Variants in FAT3 observed in about 807,000 individuals in gnomAD.
FAT3 encodes the protein FAT atypical cadherin 3, also known as protocadherin Fat 3.
FAT3 carries 95 observed loss-of-function variants against 310.2 expected under a neutral mutation model. The observed-to-expected ratio is 0.31, with a 90% CI of 0.26 to 0.36. The LOEUF (loss-of-function observed/expected upper bound fraction) is 0.36, where lower values mean the gene tolerates loss of function less well. Ranked by LOEUF, FAT3 falls within the 10% of genes least tolerant of loss-of-function variation. The pLI, the probability that FAT3 is intolerant of heterozygous loss-of-function variation, is 1.00. For synonymous variants in FAT3, 2,314 were observed against 2,192.9 expected, an observed-to-expected ratio of 1.06 and a Z score of -1.54; for missense variants, 5,408 against 5,715.6, an observed-to-expected ratio of 0.95 and a Z score of 1.74.
Position 92,800,926 on chromosome 11 carries a change from C to A in FAT3, c.7913C>A (p.Ser2638Tyr). The A allele has an allele frequency of 6.2e-7, 1 of 1,612,578 alleles. No homozygotes were observed. The highest frequency in any genetic ancestry group is 2.2e-5 in the East Asian group (1 of 44,782). Residue 2638 changes from serine (S) to tyrosine (Y), a missense_variant, in exon 10 of 28, where the codon TCC becomes TAC. Coordinates refer to ENST00000525166, the MANE Select transcript of FAT3 (RefSeq NM_001367949.2). The part of the protein sequence containing the change: ...DDGANSRITY[S>Y]LYSEASVSVA... Reference sequence around the variant, plus strand: ...GGAGCAAATTCAAGGATTACTTATTCCCTCTATAGCGAGGCCTCTGTTTCA... The same window carrying A: ...GGAGCAAATTCAAGGATTACTTATTACCTCTATAGCGAGGCCTCTGTTTCA...
At chr11:92,365,889 A>G (rs1187616122) in intron 2 of FAT3, among the ~76,000 whole-genome samples, 1 of 152,180 alleles carries the variant, frequency 6.6e-6, no homozygotes, top group African/African-American at 2.4e-5. Flanking sequence ...GCCATGAGAA[A>G]CCCCAGAAAG....
chr11:92,691,887 A>T (rs549133520), intron 3 of FAT3, among the ~76,000 whole-genome samples: 1 of 152,182 alleles, frequency 6.6e-6, no homozygotes, highest in Non-Finnish European at 1.5e-5. Flanking sequence ...ATATTCTTAG[A>T]CTATATGATA....
rs1232224093 is a variant in FAT3 at position 92,798,731 on chromosome 11, T to C, written c.5718T>C (p.Ser1906=). The C allele has an allele frequency of 2.5e-6, 4 of 1,613,736 alleles. No individual in the cohort carries two copies. Among genetic ancestry groups the C allele is most frequent in the Non-Finnish European group, 3.4e-6 (4 of 1,179,846 alleles). The part of the protein sequence containing the change: ...TYVGVEVLKV[S]ATDPDSEVPP... The stretch of plus-strand genomic sequence containing the variant: ...TTGGAGTGGAGGTTCTGAAAGTTAG[T>C]GCCACAGATCCTGACTCTGAGGTAC... Residue 1906 remains serine, a synonymous_variant, in exon 10 of 28, where the codon AGT becomes AGC. Coordinates refer to ENST00000525166, the MANE Select transcript of FAT3 (RefSeq NM_001367949.2).
intron 3 of FAT3, among the ~76,000 whole-genome samples, chr11:92,692,886 A>G (rs983401714): frequency 1.3e-5 from 2 of 152,366 alleles, no homozygotes; most frequent in East Asian, 3.9e-4. Context: ...TAGCACTTAA[A>G]GAAAATGTGA....
At chr11:92,493,714 A>T (rs1952671647) in intron 2 of FAT3, among the ~76,000 whole-genome samples, 1 of 152,052 alleles carries the variant, frequency 6.6e-6, no homozygotes, top group Non-Finnish European at 1.5e-5. Context: ...ATCCTTTAGG[A>T]TGTGGCCTAG....
At chr11:92,820,939 G>T (rs947518311) in intron 13 of FAT3, among the ~76,000 whole-genome samples, 1 of 152,108 alleles carries the variant, frequency 6.6e-6, no homozygotes, top group African/African-American at 2.4e-5. Context: ...AGGAACAAGG[G>T]CTCTTGTGCA....
intron 13 of FAT3, among the ~76,000 whole-genome samples, chr11:92,830,088 C>G (rs889428274): frequency 6.6e-6 from 1 of 152,174 alleles, no homozygotes; most frequent in African/African-American, 2.4e-5. Flanking sequence ...GTTGTCATAA[C>G]TAAAGACCTC....
intron 13 of FAT3, among the ~76,000 whole-genome samples, chr11:92,824,540 C>T (rs925552406): frequency 3.3e-5 from 5 of 152,004 alleles, no homozygotes; most frequent in Non-Finnish European, 7.4e-5. Context: ...TCTGCATTTT[C>T]GAGTGGTATG....
In FAT3 at chr11:92,836,776, C is replaced by A. The variant is rs952134816; in HGVS notation, c.10224+73C>A. 1.2e-5 allele frequency: 18 copies of A among 1,540,084 alleles called. 1 individual carries two copies. The African/African-American group carries it at 1.4e-4, about 12-fold the overall frequency. ...CCTAGAATCAGGGGCACAAGCTCCA[C>A]GGGTGTAAATAGGAAAGTTCTCCAT... On this transcript the variant is annotated intron_variant, in intron 16 of 27. Coordinates refer to ENST00000525166, the MANE Select transcript of FAT3 (RefSeq NM_001367949.2).
chr11:92,286,558 A>G (rs559535321), intron 1 of FAT3, among the ~76,000 whole-genome samples: 1 of 152,314 alleles, frequency 6.6e-6, no homozygotes, highest in South Asian at 2.1e-4. Context: ...CTGAAGGACC[A>G]TGCTTGAGTT....
chr11:92,744,570 G>A (rs1945600283), intron 4 of FAT3, among the ~76,000 whole-genome samples: 2 of 152,144 alleles, frequency 1.3e-5, no homozygotes, highest in Non-Finnish European at 2.9e-5. Context: ...AGGAACATGA[G>A]TAGTGAGAAG....
chr11:92,438,511 C>T (rs1565317163), intron 2 of FAT3, among the ~76,000 whole-genome samples: 3 of 152,188 alleles, frequency 2.0e-5, no homozygotes, highest in African/African-American at 7.2e-5. Flanking sequence ...TACGTACACT[C>T]ACATTATTGT....
chr11:92,700,718 A>G (rs964738137), intron 4 of FAT3, among the ~76,000 whole-genome samples: 1 of 152,032 alleles, frequency 6.6e-6, no homozygotes, highest in Non-Finnish European at 1.5e-5. Flanking sequence ...CGCCACACAC[A>G]CCATTTCATT....
intron 1 of FAT3, among the ~76,000 whole-genome samples, chr11:92,293,546 AT>A (rs1946764864): frequency 2.2e-4 from 4 of 17,874 alleles, no homozygotes; most frequent in Non-Finnish European, 5.2e-4. Flanking sequence ...ATATATATAT[AT>A]ATATAAATAA....
rs1289123843 is a variant in FAT3 at position 92,412,726 on chromosome 11, TATATATATATATATATATAA to T, written c.3292+57328_3292+57347del. Among the ~76,000 whole-genome samples, 44 of 40,814 alleles carry T rather than the reference TATATATATATATATATATAA, an allele frequency of 1.1e-3. 7 individuals are homozygous for T. The highest frequency in any genetic ancestry group is 2.1e-3 in the African/African-American group (29 of 13,920). The allele number at this position is 40,814 out of a possible 152,430, so 26.8% of individuals were successfully genotyped here. On this transcript the variant is annotated intron_variant, in intron 2 of 27. Transcript: ENST00000525166. ...TGATATATATATATATATATATATA[TATATATATATATATATATAA>T]ATATACATACATATATATATATTTA... is the stretch of plus-strand genomic sequence containing the variant.
At chr11:92,598,201 AATATATATGTATACATATAT>A (rs1939813076) in intron 3 of FAT3, among the ~76,000 whole-genome samples, 1 of 137,454 alleles carries the variant, frequency 7.3e-6, no homozygotes, top group Non-Finnish European at 1.5e-5. Flanking sequence ...CATGTATATA[AATATATATGTATACATATAT>A]ATATATATAT....
intron 1 of FAT3, among the ~76,000 whole-genome samples, chr11:92,339,197 G>A (rs961301737): frequency 2.0e-5 from 3 of 152,142 alleles, no homozygotes; most frequent in Admixed American, 1.3e-4. Context: ...GGGCTGTCCT[G>A]GGTAGGACAT....
rs926662623 is a variant in FAT3, at chr11:92,692,032, G to C, written c.3608-5352G>C. The stretch of plus-strand genomic sequence containing the variant: ...CCTATTTTTCTCCCTAAATTAGGTA[G>C]AAATCAGGATGGGAGAGAACAATGG... On this transcript the variant is annotated intron_variant, in intron 3 of 27. Coordinates refer to ENST00000525166, the MANE Select transcript of FAT3 (RefSeq NM_001367949.2). Among the ~76,000 whole-genome samples, 4 of 152,032 alleles carry C rather than the reference G, an allele frequency of 2.6e-5. No homozygotes were observed. In the East Asian group the frequency reaches 7.7e-4, roughly 29 times the overall value.
At position 92,248,144 on chromosome 11, in the gene FAT3, C is replaced by T. The variant is rs554086497; in HGVS notation, c.-18+22970C>T. On this transcript the variant is annotated intron_variant, in intron 1 of 27. Transcript: ENST00000525166. The stretch of plus-strand genomic sequence containing the variant: ...CTATTGCCCTCATCTTTCCTTTTTC[C>T]CTCAGTCTTACTATGCAAACATTTT... Among the ~76,000 whole-genome samples, 7 of 152,164 alleles carry T rather than the reference C, an allele frequency of 4.6e-5. No individual in the cohort carries two copies. The South Asian group carries it at 1.2e-3, about 27-fold the overall frequency.
Sources: gnomAD v4.1 joint callset for allele counts (sites outside exome capture counted in the v4.1 genomes callset) on GRCh38, gnomAD v4.1.1 for gene constraint, MANE v1.5 for transcripts, NCBI Gene and HGNC (gene_info 2026-07-23, HGNC 2026-07-21) for gene names.